Variants in MEF2C observed in about 807,000 individuals in gnomAD.
MEF2C encodes the protein myocyte enhancer factor 2C.
Under a neutral mutation model 50.5 loss-of-function variants are expected in MEF2C, and 6 were observed. That is an observed-to-expected ratio of 0.12 (90% CI 0.07 to 0.23). The LOEUF (loss-of-function observed/expected upper bound fraction) is 0.23, where lower values mean the gene tolerates loss of function less well. Among genes scored for constraint, MEF2C ranks in the 10% least tolerant of loss-of-function variants. The pLI is 1.00. For missense variants in MEF2C, 276 were observed against 605.0 expected (o/e 0.46, Z 5.70); for synonymous variants, 183 against 228.0 (o/e 0.80, Z 1.78).
intron 1 of MEF2C, chr5:88,880,751 C>G (rs899033325): frequency 2.0e-5 from 3 of 151,556 alleles, no homozygotes; most frequent in Non-Finnish European, 4.4e-5. Context: ...CTCTTGTTAT[C>G]TAAGTTTCAT....
chr5:88,724,594 C>T (rs1007562672), intron 10 of MEF2C, among the ~76,000 whole-genome samples: 11 of 152,118 alleles, frequency 7.2e-5, no homozygotes, highest in Middle Eastern at 3.4e-3. Context: ...TTTCAAACAC[C>T]TGTTTATATT....
At chr5:88,762,266 G>A (rs1288736123) in intron 3 of MEF2C, among the ~76,000 whole-genome samples, 1 of 152,166 alleles carries the variant, frequency 6.6e-6, no homozygotes, top group African/African-American at 2.4e-5. Flanking sequence ...TAAGTTAGGA[G>A]TCTTGAGTTT....
Position 88,768,663 on chromosome 5 carries a change from G to T in MEF2C, c.259-7335C>A, listed in dbSNP as rs561938887. Reference sequence around the variant, plus strand: ...TGCAGCATTCATGACAAACTGAAATGAATAGATGAACAGAACAGAAAAGAA... The same window carrying T: ...TGCAGCATTCATGACAAACTGAAATTAATAGATGAACAGAACAGAAAAGAA... On this transcript the variant is annotated intron_variant, in intron 3 of 10. Coordinates refer to ENST00000504921, the MANE Select transcript of MEF2C (RefSeq NM_002397.5). The T allele has an allele frequency of 1.4e-3, 1,369 of 984,272 alleles. 2 individuals carry two copies. Among genetic ancestry groups the T allele is most frequent in the Non-Finnish European group, 1.5e-3 (1,205 of 829,044 alleles). The allele number at this position is 984,272 out of a possible 1,614,324, so 61.0% of individuals were successfully genotyped here. A position where few individuals can be genotyped will look rare whatever the true frequency, so the allele number is the denominator to read the frequency against.
At chr5:88,739,530 T>G (rs759801925) in intron 6 of MEF2C, 1 of 981,696 alleles carries the variant, frequency 1.0e-6, no homozygotes, top group Non-Finnish European at 1.2e-6. Context: ...CATCTTTTTA[T>G]AGAAAATTAC....
chr5:88,768,594 A>T (rs1781021794), intron 3 of MEF2C: 1 of 690,452 alleles, frequency 1.4e-6, no homozygotes, highest in South Asian at 6.4e-5. Flanking sequence ...TATCACCAGA[A>T]CTTAGCACAA....
intron 1 of MEF2C, among the ~76,000 whole-genome samples, chr5:88,826,136 G>T (rs1188372273): frequency 6.6e-6 from 1 of 151,814 alleles, no homozygotes; most frequent in Non-Finnish European, 1.5e-5. Context: ...CTTTGAATGA[G>T]ACCATTTTTA....
rs1027412142 is a variant in MEF2C at position 88,883,172 on chromosome 5, T to C, written c.-360A>G. ...GTCTGGGTGTACGCGTGTGCTCAAG[T>C]GTCTGTGACTGCGAGCAGAGCGAGC... On this transcript the variant is annotated 5_prime_UTR_variant, in exon 1 of 11. Transcript: ENST00000504921. 3 of 149,658 alleles carry C rather than the reference T, an allele frequency of 2.0e-5. No individual in the cohort carries two copies. The highest frequency in any genetic ancestry group is 4.5e-5 in the Non-Finnish European group (3 of 67,326). The allele number at this position is 149,658 out of a possible 1,614,324, so 9.3% of individuals were successfully genotyped here. A position where few individuals can be genotyped will look rare whatever the true frequency, so the allele number is the denominator to read the frequency against.
chr5:88,799,780 A>G (rs558582135), intron 3 of MEF2C, among the ~76,000 whole-genome samples: 1 of 152,178 alleles, frequency 6.6e-6, no homozygotes, highest in African/African-American at 2.4e-5. Flanking sequence ...AATTTCCAAA[A>G]TAATAAAATA....
At chr5:88,790,120 C>T (rs937365753) in intron 3 of MEF2C, among the ~76,000 whole-genome samples, 5 of 152,172 alleles carry the variant, frequency 3.3e-5, no homozygotes, top group African/African-American at 7.2e-5. Flanking sequence ...GTGCCAGAGT[C>T]CCACCTCACT....
intron 6 of MEF2C, chr5:88,737,781 A>G (rs867195417): frequency 1.0e-6 from 1 of 985,442 alleles, no homozygotes; most frequent in Middle Eastern, 5.2e-4. Context: ...CCGAAGTTGA[A>G]AAAGAAGGCT....
At chr5:88,861,031 C>T (rs936637190) in intron 1 of MEF2C, among the ~76,000 whole-genome samples, 3 of 152,198 alleles carry the variant, frequency 2.0e-5, no homozygotes, top group South Asian at 2.1e-4. Context: ...TGGAATGATG[C>T]GGCTGGTCTC....
chr5:88,788,438 G>C (rs1320856666), intron 3 of MEF2C, among the ~76,000 whole-genome samples: 7 of 151,216 alleles, frequency 4.6e-5, no homozygotes, highest in African/African-American at 1.7e-4. Context: ...TTGAACTCCT[G>C]ACTTCAAATG....
At chr5:88,891,846 T>C (rs1834612387) in intron 1 of MEF2C, among the ~76,000 whole-genome samples, 1 of 152,182 alleles carries the variant, frequency 6.6e-6, no homozygotes, top group Non-Finnish European at 1.5e-5. Context: ...GTTTGTTTTG[T>C]TTTTAATGCC....
At chr5:88,775,177 T>C (rs1292090789) in intron 3 of MEF2C, among the ~76,000 whole-genome samples, 1 of 152,230 alleles carries the variant, frequency 6.6e-6, no homozygotes, top group Non-Finnish European at 1.5e-5. Context: ...AAAGTGCCAG[T>C]AGCATTTCAG....
At chr5:88,784,012 T>C (rs1235925159) in intron 3 of MEF2C, among the ~76,000 whole-genome samples, 2 of 152,196 alleles carry the variant, frequency 1.3e-5, no homozygotes, top group East Asian at 1.9e-4. Context: ...GAAATGAAGG[T>C]AAAAATATAA....
At chr5:88,733,535 C>T (rs1762563444) in intron 6 of MEF2C, 1 of 985,034 alleles carries the variant, frequency 1.0e-6, no homozygotes. Flanking sequence ...CTTTGATGGC[C>T]TGAGATAGAG....
intron 1 of MEF2C, among the ~76,000 whole-genome samples, chr5:88,849,150 C>CCAAA (rs1820387452): frequency 1.1e-5 from 1 of 92,298 alleles, no homozygotes. Context: ...GACTTTGTCT[C>CCAAA]AAAAAAAAAA....
chr5:88,743,048 A>G (rs1369615764), intron 6 of MEF2C: 1 of 972,774 alleles, frequency 1.0e-6, no homozygotes, highest in Non-Finnish European at 1.2e-6. Flanking sequence ...AGAATTTTTA[A>G]TTCAGAACAA....
intron 5 of MEF2C, among the ~76,000 whole-genome samples, chr5:88,750,523 G>A (rs938383364): frequency 1.3e-5 from 2 of 152,002 alleles, no homozygotes; most frequent in African/African-American, 4.8e-5. Flanking sequence ...TACAGTTTAA[G>A]CAAATGTTTA....
Sources: allele counts gnomAD v4.1 joint callset (sites outside exome capture counted in the v4.1 genomes callset), GRCh38; gene constraint gnomAD v4.1.1; transcripts MANE v1.5; gene names NCBI Gene and HGNC (gene_info 2026-07-23, HGNC 2026-07-21).